Variants in DGKB observed in about 807,000 individuals in gnomAD.
DGKB encodes the protein diacylglycerol kinase beta.
Under a neutral mutation model 114.3 loss-of-function variants are expected in DGKB, and 67 were observed. The observed-to-expected ratio is 0.59, with a 90% CI of 0.48 to 0.72. DGKB has a LOEUF of 0.72. Ranked by LOEUF, DGKB falls within the 30% of genes least tolerant of loss-of-function variation. DGKB has a pLI of 0.00. For synonymous variants in DGKB, 398 were observed against 323.1 expected (o/e 1.23, Z -2.49); for missense variants, 907 against 975.2 (o/e 0.93, Z 0.93).
chr7:14,806,524 G>C (rs1359848560), intron 2 of DGKB, among the ~76,000 whole-genome samples: 3 of 151,922 alleles, frequency 2.0e-5, no homozygotes. Flanking sequence ...TCTCTATTTT[G>C]TAAAAATGTG....
chr7:14,804,711 A>G (rs10487779), intron 2 of DGKB, among the ~76,000 whole-genome samples: 55,458 of 151,884 alleles, frequency 0.37, 13,352 homozygotes, highest in African/African-American at 0.68. Context: ...CTTTAACTTC[A>G]TCTATGCTAC....
At chr7:14,471,957 T>C (rs189749073) in intron 21 of DGKB, among the ~76,000 whole-genome samples, 142 of 152,282 alleles carry the variant, frequency 9.3e-4, no homozygotes, top group African/African-American at 3.3e-3. Context: ...TGAGAACCTA[T>C]CTTTGTTTCA....
chr7:14,357,590 A>G (rs886116370), intron 21 of DGKB, among the ~76,000 whole-genome samples: 1 of 152,186 alleles, frequency 6.6e-6, no homozygotes, highest in African/African-American at 2.4e-5. Context: ...CATTTAAACC[A>G]TTTACATTTA....
intron 21 of DGKB, among the ~76,000 whole-genome samples, chr7:14,419,566 C>T (rs922261676): frequency 6.6e-6 from 1 of 151,138 alleles, no homozygotes; most frequent in Admixed American, 6.6e-5. Flanking sequence ...TGATCGTTAC[C>T]AGCTTCCACA....
At chr7:14,446,197 G>A (rs910998734) in intron 21 of DGKB, among the ~76,000 whole-genome samples, 67 of 152,180 alleles carry the variant, frequency 4.4e-4, no homozygotes, top group African/African-American at 1.5e-3. Context: ...AAATCCGGGC[G>A]ATAGTAGACC....
chr7:14,419,580 T>A (rs886532013), intron 21 of DGKB, among the ~76,000 whole-genome samples: 2 of 151,574 alleles, frequency 1.3e-5, no homozygotes, highest in East Asian at 1.9e-4. Flanking sequence ...TTCCACATTA[T>A]CCTTAAAGTT....
chr7:14,684,047 A>G (rs1365307863), intron 10 of DGKB, among the ~76,000 whole-genome samples: 7 of 152,186 alleles, frequency 4.6e-5, no homozygotes, highest in Admixed American at 4.6e-4. Flanking sequence ...TCCTTTGTAT[A>G]GGGAGAATGT....
At chr7:14,650,034 C>A (rs188478283) in intron 13 of DGKB, among the ~76,000 whole-genome samples, 1 of 151,928 alleles carries the variant, frequency 6.6e-6, no homozygotes, top group Non-Finnish European at 1.5e-5. Flanking sequence ...TAGACTCCCA[C>A]GCATTAATAA....
intron 1 of DGKB, among the ~76,000 whole-genome samples, chr7:14,844,056 C>T (rs963336085): frequency 3.3e-5 from 5 of 152,148 alleles, no homozygotes. Flanking sequence ...CTTTTGCTTA[C>T]TTGGTAACAA....
chr7:14,821,217 T>C (rs1844887116), intron 2 of DGKB, among the ~76,000 whole-genome samples: 1 of 152,218 alleles, frequency 6.6e-6, no homozygotes, highest in Non-Finnish European at 1.5e-5. Flanking sequence ...AGCTATTTTT[T>C]CTATTTACCC....
intron 23 of DGKB, among the ~76,000 whole-genome samples, chr7:14,264,015 T>A (rs1797150660): frequency 6.6e-6 from 1 of 152,064 alleles, no homozygotes; most frequent in African/African-American, 2.4e-5. Flanking sequence ...CCTCTGTGGT[T>A]TGAAGTTTGT....
At chr7:14,541,027 T>C (rs1793345125) in intron 20 of DGKB, among the ~76,000 whole-genome samples, 1 of 152,156 alleles carries the variant, frequency 6.6e-6, no homozygotes, top group South Asian at 2.1e-4. Flanking sequence ...ACCAGACTCC[T>C]TCTTGATAGA....
At chr7:14,163,591 C>A (rs1006982175) in intron 25 of DGKB, among the ~76,000 whole-genome samples, 1 of 152,146 alleles carries the variant, frequency 6.6e-6, no homozygotes, top group African/African-American at 2.4e-5. Context: ...CCACTCACAC[C>A]TTAAAACATA....
chr7:14,502,274 TCTC>T (rs1341636657), intron 20 of DGKB, among the ~76,000 whole-genome samples: 1 of 151,910 alleles, frequency 6.6e-6, no homozygotes, highest in Admixed American at 6.6e-5. Context: ...AAAGAAGCCT[TCTC>T]CTGGAGAGAG....
At chr7:14,322,928 T>C (rs900845524) in intron 23 of DGKB, among the ~76,000 whole-genome samples, 6 of 152,186 alleles carry the variant, frequency 3.9e-5, no homozygotes, top group African/African-American at 1.4e-4. Flanking sequence ...GGAGAAGATG[T>C]AGAGCAGTGA....
In DGKB at chr7:14,544,646, A is replaced by C. The variant is rs1584713843; in HGVS notation, c.1770+29566T>G. ...AAAACAATTTAGGTTATTATTTTTC[A>C]AAGAAAAAATTCTCAATTATATTAG... is the stretch of plus-strand genomic sequence containing the variant. On this transcript the variant is annotated intron_variant, in intron 20 of 25. Coordinates refer to ENST00000402815, the MANE Select transcript of DGKB (RefSeq NM_001350709.2). Among the ~76,000 whole-genome samples the C allele has an allele frequency of 1.3e-5, 2 of 152,320 alleles. 1 individual carries two copies. Among genetic ancestry groups the C allele is most frequent in the East Asian group, 3.9e-4 (2 of 5,186 alleles).
intron 15 of DGKB, among the ~76,000 whole-genome samples, chr7:14,618,612 G>A (rs567914046): frequency 1.1e-4 from 16 of 151,570 alleles, no homozygotes; most frequent in African/African-American, 3.9e-4. Context: ...TAAACCTATG[G>A]TGTGAGCGAT....
intron 21 of DGKB, among the ~76,000 whole-genome samples, chr7:14,419,032 T>A (rs945991480): frequency 4.6e-5 from 7 of 152,010 alleles, no homozygotes; most frequent in African/African-American, 1.7e-4. Context: ...AACCTGTCAT[T>A]GAATATGATT....
At chr7:14,754,076 C>T (rs1181819207) in intron 3 of DGKB, 128 bp from the exon 4 acceptor site, 11 of 605,030 alleles carry the variant, frequency 1.8e-5, no homozygotes, top group Non-Finnish European at 3.2e-5. Flanking sequence ...ACCCTAGATC[C>T]ATAGGCCTCA....
Sources: gnomAD v4.1 joint callset for allele counts (sites outside exome capture counted in the v4.1 genomes callset) on GRCh38, gnomAD v4.1.1 for gene constraint, MANE v1.5 for transcripts, NCBI Gene and HGNC (gene_info 2026-07-23, HGNC 2026-07-21) for gene names.